METTL9: variants seen among roughly 807,000 people sequenced by gnomAD.
The protein encoded by METTL9 is protein-L-histidine N-pros-methyltransferase.
In METTL9, 10 loss-of-function variants were observed where a neutral mutation model predicts 36.0. The ratio of observed to expected loss-of-function variants is 0.28; its 90% CI spans 0.17 to 0.47. The LOEUF (loss-of-function observed/expected upper bound fraction) is 0.47. Ranked by LOEUF, METTL9 falls within the 20% of genes least tolerant of loss-of-function variation. The pLI is 0.99. For missense variants in METTL9, 246 were observed against 383.5 expected (o/e 0.64, Z 3.00); for synonymous variants, 175 against 149.7 (o/e 1.17, Z -1.23).
At chr16:21,649,595 C>T (rs1966516429) in intron 4 of METTL9, among the ~76,000 whole-genome samples, 1 of 152,214 alleles carries the variant, frequency 6.6e-6, no homozygotes, top group African/African-American at 2.4e-5. Flanking sequence ...GGAATTGGGT[C>T]TGCCAAAACT....
intron 4 of METTL9, among the ~76,000 whole-genome samples, chr16:21,626,239 T>A (rs996241872): frequency 2.0e-5 from 3 of 152,190 alleles, no homozygotes; most frequent in African/African-American, 7.2e-5. Flanking sequence ...ACTGCCTCGA[T>A]TGACCTTGAC....
At chr16:21,629,364 TTC>T (rs1418987420) in intron 4 of METTL9, among the ~76,000 whole-genome samples, 1 of 152,176 alleles carries the variant, frequency 6.6e-6, no homozygotes, top group Non-Finnish European at 1.5e-5. Flanking sequence ...GAGACCTTGC[TTC>T]TCTCTACCTT....
At chr16:21,613,833 GTTTTTTTTTT>G (rs11326723) in intron 2 of METTL9, among the ~76,000 whole-genome samples, 2 of 134,036 alleles carry the variant, frequency 1.5e-5, no homozygotes, top group Non-Finnish European at 3.2e-5. Context: ...AGTTTTTTTT[GTTTTTTTTTT>G]TTTTCAATCC....
At chr16:21,645,844 G>A (rs995775728) in intron 4 of METTL9, among the ~76,000 whole-genome samples, 2 of 152,188 alleles carry the variant, frequency 1.3e-5, no homozygotes, top group African/African-American at 4.8e-5. Context: ...TATTAAAAAT[G>A]CTTTAAGTGC....
In METTL9 at chr16:21,599,616, G is replaced by A. The variant is rs1597733536; in HGVS notation, c.-118G>A. 1.5e-6 allele frequency: 2 copies of A among 1,332,684 alleles called. No homozygotes were observed. Among genetic ancestry groups the A allele is most frequent in the African/African-American group, 1.6e-5 (1 of 64,364 alleles). 82.6% of individuals were successfully genotyped at this position (1,332,684 alleles called of 1,614,324 possible). A position where few individuals can be genotyped will look rare whatever the true frequency, so the allele number is the denominator to read the frequency against. On this transcript the variant is annotated 5_prime_UTR_variant, in exon 1 of 5. Coordinates refer to ENST00000358154, the MANE Select transcript of METTL9 (RefSeq NM_016025.5). This position sits in a 1 kb window ranked among gnomAD's most constrained non-coding sequence, Gnocchi z 4.4. Reference sequence around the variant, plus strand: ...CCTTTGCCCTGAAGGGGGCTGGATGGGCAAGGCGGCCGCGATGGCTCGAGC... The same window carrying A: ...CCTTTGCCCTGAAGGGGGCTGGATGAGCAAGGCGGCCGCGATGGCTCGAGC...
intron 4 of METTL9, chr16:21,641,618 C>T (rs1462497767): frequency 6.7e-7 from 1 of 1,483,610 alleles, no homozygotes. Context: ...AAATAGAAAG[C>T]CATGTTTAAG....
At position 21,656,046 on chromosome 16, in the gene METTL9, TA is replaced by T. The variant is rs1396105621; in HGVS notation, c.*615del. 2 of 148,792 alleles carry T rather than the reference TA, an allele frequency of 1.3e-5. No individual in the cohort carries two copies. The highest frequency in any genetic ancestry group is 2.0e-4 in the East Asian group (1 of 5,056). The allele number at this position is 148,792 out of a possible 1,614,324, so 9.2% of individuals were successfully genotyped here. A position where few individuals can be genotyped will look rare whatever the true frequency, so the allele number is the denominator to read the frequency against. Reference sequence around the variant, plus strand: ...ATGAGAATGACGCAGACAATTTGAATAGGGGGGAAGGAAGGCTTCAGACTTG... The same window carrying T: ...ATGAGAATGACGCAGACAATTTGAATGGGGGGAAGGAAGGCTTCAGACTTG... On this transcript the variant is annotated 3_prime_UTR_variant, in exon 5 of 5. Transcript: ENST00000358154.
intron 4 of METTL9, chr16:21,643,568 T>C: frequency 6.2e-7 from 1 of 1,607,100 alleles, no homozygotes; most frequent in South Asian, 1.1e-5. Context: ...TCTTCTTTTA[T>C]TTCTTTGTTT....
chr16:21,647,143 C>A, intron 4 of METTL9: 1 of 1,614,176 alleles, frequency 6.2e-7, no homozygotes, highest in African/African-American at 1.3e-5. Flanking sequence ...CTCTTACCAC[C>A]AGTGTGGTCC....
At chr16:21,655,150 A>G (rs566281395) in intron 4 of METTL9, 77 bp from the exon 5 acceptor site, 231 of 1,336,194 alleles carry the variant, frequency 1.7e-4, no homozygotes, top group Admixed American at 4.4e-4. Flanking sequence ...TCCTTGGTAG[A>G]TATGGCTCCT....
At chr16:21,640,153 T>C (rs1225201207) in intron 4 of METTL9, 2 of 151,910 alleles carry the variant, frequency 1.3e-5, no homozygotes, top group Admixed American at 6.6e-5. Flanking sequence ...TTGTTCAGGC[T>C]GGTCTCGAAC....
chr16:21,624,206 A>G (rs1413929976), intron 3 of METTL9, among the ~76,000 whole-genome samples: 1 of 152,202 alleles, frequency 6.6e-6, no homozygotes, highest in Admixed American at 6.5e-5. Flanking sequence ...TAAGAATAGA[A>G]GGGATCCTAG....
chr16:21,631,673 T>C (rs1388148761), intron 4 of METTL9, among the ~76,000 whole-genome samples: 4 of 152,176 alleles, frequency 2.6e-5, no homozygotes, highest in Non-Finnish European at 4.4e-5. Flanking sequence ...TGATTAAGAT[T>C]TAGATCCCCT....
intron 4 of METTL9, among the ~76,000 whole-genome samples, chr16:21,628,118 T>A (rs934162367): frequency 1.3e-5 from 2 of 152,224 alleles, no homozygotes; most frequent in African/African-American, 4.8e-5. Flanking sequence ...CTGTTGCCTT[T>A]TTCCACTTAA....
intron 2 of METTL9, among the ~76,000 whole-genome samples, chr16:21,614,350 T>C (rs1965502602): frequency 6.6e-6 from 1 of 152,174 alleles, no homozygotes; most frequent in South Asian, 2.1e-4. Flanking sequence ...AGTGCTTACA[T>C]TCAACATTTT....
chr16:21,609,649 A>G (rs1965381139), intron 1 of METTL9, among the ~76,000 whole-genome samples: 1 of 152,064 alleles, frequency 6.6e-6, no homozygotes, highest in Non-Finnish European at 1.5e-5. Context: ...GCCACGGGAA[A>G]GGGGCCTTCC....
upstream of METTL9, chr16:21,599,352 A>G: frequency 1.0e-6 from 1 of 988,848 alleles, no homozygotes; most frequent in Non-Finnish European, 1.2e-6. This position sits in a 1 kb window ranked among gnomAD's most constrained non-coding sequence, Gnocchi z 4.4. Context: ...TCCGCCATTT[A>G]CTAGAGGCCA....
At chr16:21,636,943 G>A (rs940039886) in intron 4 of METTL9, among the ~76,000 whole-genome samples, 9 of 152,128 alleles carry the variant, frequency 5.9e-5, no homozygotes, top group Non-Finnish European at 1.2e-4. Context: ...CATCTGGGTC[G>A]CCAAAATGTG....
chr16:21,629,351 C>T (rs572136222), intron 4 of METTL9, among the ~76,000 whole-genome samples: 1 of 152,146 alleles, frequency 6.6e-6, no homozygotes, highest in South Asian at 2.1e-4. Flanking sequence ...TTAAGAGTTC[C>T]GAGAGACCTT....
Sources: allele counts gnomAD v4.1 joint callset (sites outside exome capture counted in the v4.1 genomes callset), GRCh38; gene constraint gnomAD v4.1.1; non-coding constraint Gnocchi (gnomAD v3.1); transcripts MANE v1.5; gene names NCBI Gene and HGNC (gene_info 2026-07-23, HGNC 2026-07-21).